Variants in SPIDR observed in about 807,000 individuals in gnomAD.
SPIDR encodes the protein DNA repair-scaffolding protein.
Under a neutral mutation model 104.6 loss-of-function variants are expected in SPIDR, and 93 were observed. The ratio of observed to expected loss-of-function variants is 0.89; its 90% CI spans 0.75 to 1.06. The LOEUF (loss-of-function observed/expected upper bound fraction) is 1.06, where lower values mean the gene tolerates loss of function less well. Ranked by LOEUF, SPIDR falls within the 50% of genes least tolerant of loss-of-function variation. The probability of loss-of-function intolerance (pLI) is 0.00; values close to 1 mark genes in which losing one functional copy is unlikely to be tolerated. For missense variants in SPIDR, 1,154 were observed against 1,111.2 expected, an observed-to-expected ratio of 1.04 and a Z score of -0.55; for synonymous variants, 431 against 416.9, an observed-to-expected ratio of 1.03 and a Z score of -0.41.
At chr8:47,361,840 C>T (rs1295428385) in intron 5 of SPIDR, among the ~76,000 whole-genome samples, 1 of 152,186 alleles carries the variant, frequency 6.6e-6, no homozygotes, top group Non-Finnish European at 1.5e-5. Flanking sequence ...TAGTTGGCTC[C>T]ATATGGTTTG....
chr8:47,462,272 T>C (rs1554714044), intron 8 of SPIDR, among the ~76,000 whole-genome samples: 2 of 152,190 alleles, frequency 1.3e-5, no homozygotes, highest in Non-Finnish European at 2.9e-5. Flanking sequence ...TGAACCGTCT[T>C]GAGGTTTCTC....
At chr8:47,322,356 A>G (rs1274704582) in intron 5 of SPIDR, among the ~76,000 whole-genome samples, 10 of 152,376 alleles carry the variant, frequency 6.6e-5, no homozygotes, top group African/African-American at 1.9e-4. Flanking sequence ...ATCCCTGGCC[A>G]TCAGAGAAAT....
intron 5 of SPIDR, among the ~76,000 whole-genome samples, chr8:47,373,291 C>A (rs1801008396): frequency 6.6e-6 from 1 of 152,108 alleles, no homozygotes; most frequent in African/African-American, 2.4e-5. Context: ...TAGAGACTAT[C>A]ATTGTGTCAC....
intron 19 of SPIDR, among the ~76,000 whole-genome samples, chr8:47,734,757 C>T (rs758991657): frequency 6.6e-6 from 1 of 152,204 alleles, no homozygotes; most frequent in East Asian, 1.9e-4. Context: ...GTACCTGTCT[C>T]ATCTGGAGAC....
intron 8 of SPIDR, chr8:47,511,210 A>C (rs1424412854): frequency 6.9e-6 from 11 of 1,592,382 alleles, no homozygotes; most frequent in Non-Finnish European, 9.5e-6. Context: ...GCTGTGGTTA[A>C]ATTTCTGCAC....
intron 11 of SPIDR, among the ~76,000 whole-genome samples, chr8:47,689,072 A>G (rs766730965): frequency 3.3e-5 from 5 of 152,004 alleles, no homozygotes; most frequent in Non-Finnish European, 5.9e-5. Flanking sequence ...GTAGTCCTTC[A>G]TTGGTTGTGT....
chr8:47,283,876 A>C (rs2038297908), intron 2 of SPIDR, 152 bp from the exon 3 acceptor site: 1 of 570,130 alleles, frequency 1.8e-6, no homozygotes, highest in South Asian at 2.6e-5. Context: ...TATAAGGAGT[A>C]CATGCTTTGG....
rs146668762 is a variant in SPIDR, at chr8:47,716,191, C to T, written c.2341+2550C>T. On this transcript the variant is annotated intron_variant, in intron 16 of 19. Transcript: ENST00000297423. ...GCCAGGCTGGTCTTGAACTCCTGAC[C>T]TCAGGTGATCCACCCACCTCGGCCT... Among the ~76,000 whole-genome samples the T allele has an allele frequency of 9.8e-3, 1,498 of 152,164 alleles. 24 individuals carry two copies. Among genetic ancestry groups the T allele is most frequent in the African/African-American group, 0.034 (1,422 of 41,522 alleles).
chr8:47,491,541 A>C (rs1165046705), intron 8 of SPIDR, among the ~76,000 whole-genome samples: 2 of 152,072 alleles, frequency 1.3e-5, no homozygotes, highest in South Asian at 2.1e-4. Context: ...CAAAAAAAAA[A>C]TGTTGAGGCA....
chr8:47,682,352 C>T (rs903896439), intron 11 of SPIDR, among the ~76,000 whole-genome samples: 34 of 151,312 alleles, frequency 2.2e-4, no homozygotes, highest in Non-Finnish European at 7.4e-5. Flanking sequence ...ATGGAGACAG[C>T]AGATGGGCTG....
At chr8:47,274,592 TC>T (rs1341130823) in intron 1 of SPIDR, among the ~76,000 whole-genome samples, 1 of 151,568 alleles carries the variant, frequency 6.6e-6, no homozygotes. Flanking sequence ...TTTTTTTTTT[TC>T]CCGAGATGGA....
At chr8:47,455,422 A>C (rs543476543) in intron 8 of SPIDR, among the ~76,000 whole-genome samples, 100 of 152,108 alleles carry the variant, frequency 6.6e-4, no homozygotes, top group Middle Eastern at 6.8e-3. Context: ...CAGACACACA[A>C]AAAAAACAGA....
At chr8:47,334,216 C>T (rs1295006158) in intron 5 of SPIDR, among the ~76,000 whole-genome samples, 1 of 151,952 alleles carries the variant, frequency 6.6e-6, no homozygotes, top group African/African-American at 2.4e-5. Context: ...ATGAATGTTC[C>T]ATGTAATCTA....
At chr8:47,666,546 G>A (rs1011279635) in intron 10 of SPIDR, among the ~76,000 whole-genome samples, 3 of 152,034 alleles carry the variant, frequency 2.0e-5, no homozygotes, top group Non-Finnish European at 4.4e-5. Flanking sequence ...ATGTTGTATG[G>A]TTTTTGGGCA....
chr8:47,367,736 G>A (rs766883733), intron 5 of SPIDR, among the ~76,000 whole-genome samples: 10 of 152,084 alleles, frequency 6.6e-5, no homozygotes, highest in South Asian at 2.1e-4. Context: ...TCCATAACCC[G>A]CCCAAGTCTT....
At chr8:47,669,512 C>T (rs912394858) in intron 10 of SPIDR, among the ~76,000 whole-genome samples, 3 of 152,114 alleles carry the variant, frequency 2.0e-5, no homozygotes, top group East Asian at 1.9e-4. Context: ...AGTGATAACT[C>T]GTCTCTAGGG....
intron 8 of SPIDR, among the ~76,000 whole-genome samples, chr8:47,470,881 C>G (rs1416344663): frequency 1.3e-5 from 2 of 151,946 alleles, no homozygotes; most frequent in Non-Finnish European, 2.9e-5. Flanking sequence ...ACTACAGGTG[C>G]CCGCCACCAC....
chr8:47,633,618 T>C (rs910790185), intron 10 of SPIDR, among the ~76,000 whole-genome samples: 8 of 149,658 alleles, frequency 5.3e-5, no homozygotes, highest in Non-Finnish European at 1.0e-4. Context: ...GCAAGAGGAT[T>C]GCTTGAGGTA....
intron 3 of SPIDR, among the ~76,000 whole-genome samples, chr8:47,285,924 C>T (rs2038753114): frequency 6.6e-6 from 1 of 152,130 alleles, no homozygotes; most frequent in Non-Finnish European, 1.5e-5. Flanking sequence ...TAATATTTAT[C>T]CTACGGTTCC....
Sources: gnomAD v4.1 joint callset for allele counts (sites outside exome capture counted in the v4.1 genomes callset) on GRCh38, gnomAD v4.1.1 for gene constraint, MANE v1.5 for transcripts, NCBI Gene and HGNC (gene_info 2026-07-23, HGNC 2026-07-21) for gene names.